The following NLGN1 variants were observed in gnomAD, a reference collection of about 807,000 sequenced individuals.
NLGN1 encodes neuroligin 1.
In NLGN1, 12 loss-of-function variants were observed where a neutral mutation model predicts 65.5. That is an observed-to-expected ratio of 0.18 (90% CI 0.12 to 0.30). The LOEUF (loss-of-function observed/expected upper bound fraction) is 0.30, where lower values mean the gene tolerates loss of function less well. Ranked by LOEUF, NLGN1 falls within the 10% of genes least tolerant of loss-of-function variation. NLGN1 has a pLI of 1.00. For missense variants in NLGN1, 750 were observed against 1,007.1 expected (o/e 0.74, Z 3.46); for synonymous variants, 350 against 359.5 (o/e 0.97, Z 0.30).
At chr3:173,921,195 T>C (rs1223682768) in intron 4 of NLGN1, among the ~76,000 whole-genome samples, 1 of 66,354 alleles carries the variant, frequency 1.5e-5, no homozygotes, top group East Asian at 4.9e-4. Context: ...ATATACAATA[T>C]ATATGTAGTA....
downstream of NLGN1, among the ~76,000 whole-genome samples, chr3:174,287,048 A>C (rs542248625): frequency 1.3e-5 from 2 of 151,598 alleles, no homozygotes; most frequent in Non-Finnish European, 1.5e-5. Context: ...GAATTTAAAT[A>C]AATCCCTTTA....
At chr3:173,820,766 A>C (rs1720131573) in intron 4 of NLGN1, among the ~76,000 whole-genome samples, 1 of 152,160 alleles carries the variant, frequency 6.6e-6, no homozygotes, top group African/African-American at 2.4e-5. Context: ...CCGGAGAGTA[A>C]AACTGTGAGT....
chr3:173,419,002 T>G (rs1714390502), intron 1 of NLGN1, among the ~76,000 whole-genome samples: 1 of 146,604 alleles, frequency 6.8e-6, no homozygotes, highest in Non-Finnish European at 1.5e-5. Flanking sequence ...CTTTCTGTTC[T>G]TTAGCTTTCT....
At chr3:173,896,405 C>G (rs1300559710) in intron 4 of NLGN1, among the ~76,000 whole-genome samples, 3 of 152,106 alleles carry the variant, frequency 2.0e-5, no homozygotes, top group African/African-American at 7.2e-5. Flanking sequence ...TAGAGTCTCT[C>G]CTTTCAAATT....
chr3:173,658,528 A>G (rs968819446), intron 3 of NLGN1, among the ~76,000 whole-genome samples: 5 of 152,056 alleles, frequency 3.3e-5, no homozygotes, highest in Admixed American at 3.3e-4. Flanking sequence ...ATTAATTTGG[A>G]AATAGCATAG....
At chr3:174,153,686 A>G (rs1724831520) in intron 4 of NLGN1, among the ~76,000 whole-genome samples, 1 of 152,084 alleles carries the variant, frequency 6.6e-6, no homozygotes, top group Non-Finnish European at 1.5e-5. Context: ...TCAGCTACAT[A>G]TTGAGCTCTG....
rs528748205 is a variant in NLGN1 at position 173,417,951 on chromosome 3, GA to G, written c.-389-17051del. Among the ~76,000 whole-genome samples the G allele has an allele frequency of 5.5e-3, 822 of 150,432 alleles. 11 individuals are homozygous for G. The highest frequency in any genetic ancestry group is 0.019 in the African/African-American group (772 of 41,132). On this transcript the variant is annotated intron_variant, in intron 1 of 6. Transcript: ENST00000457714. The stretch of plus-strand genomic sequence containing the variant: ...AAACAAATACTCATCTTAATAATGA[GA>G]AAAAAAACAATTGAGCAGATAGGAA...
At chr3:173,610,276 A>T (rs568452107) in intron 3 of NLGN1, among the ~76,000 whole-genome samples, 41 of 152,152 alleles carry the variant, frequency 2.7e-4, no homozygotes, top group African/African-American at 8.9e-4. Flanking sequence ...TAGATTTGCC[A>T]TCAATTAAGA....
intron 2 of NLGN1, among the ~76,000 whole-genome samples, chr3:173,471,794 A>G (rs1306381642): frequency 2.0e-5 from 3 of 152,148 alleles, no homozygotes; most frequent in Non-Finnish European, 4.4e-5. Flanking sequence ...CTAAGTGTTA[A>G]GAGGAAACAC....
At chr3:173,606,285 T>C (rs1454363785) in intron 3 of NLGN1, among the ~76,000 whole-genome samples, 1 of 152,078 alleles carries the variant, frequency 6.6e-6, no homozygotes, top group African/African-American at 2.4e-5. Flanking sequence ...TAAATCAACC[T>C]TCAAATCATC....
At chr3:173,421,142 A>G (rs1714960023) in intron 1 of NLGN1, among the ~76,000 whole-genome samples, 1 of 152,160 alleles carries the variant, frequency 6.6e-6, no homozygotes, top group Non-Finnish European at 1.5e-5. Context: ...CTTGATTTTC[A>G]GAATCAGGAC....
chr3:174,072,025 A>G (rs1284420538), intron 4 of NLGN1, among the ~76,000 whole-genome samples: 1 of 152,212 alleles, frequency 6.6e-6, no homozygotes, highest in Non-Finnish European at 1.5e-5. Context: ...AAAGGACCAG[A>G]ATGAATTAAA....
At chr3:173,945,537 C>T (rs1746985613) in intron 4 of NLGN1, among the ~76,000 whole-genome samples, 1 of 152,042 alleles carries the variant, frequency 6.6e-6, no homozygotes, top group South Asian at 2.1e-4. Flanking sequence ...TGATTTTTGA[C>T]ATAATTTAAT....
chr3:173,586,158 A>T (rs1322256949), intron 2 of NLGN1, among the ~76,000 whole-genome samples: 1 of 152,218 alleles, frequency 6.6e-6, no homozygotes. Flanking sequence ...CAATTCGTTA[A>T]ATTTTAAACT....
At chr3:174,234,365 G>A (rs916873942) in intron 4 of NLGN1, among the ~76,000 whole-genome samples, 3 of 152,146 alleles carry the variant, frequency 2.0e-5, no homozygotes, top group African/African-American at 4.8e-5. Flanking sequence ...CTTGGGTTGG[G>A]TTGTCTGCAT....
intron 4 of NLGN1, among the ~76,000 whole-genome samples, chr3:173,948,950 T>C (rs1747696242): frequency 6.6e-6 from 1 of 152,018 alleles, no homozygotes; most frequent in Admixed American, 6.5e-5. Context: ...GAAGATAAAA[T>C]TTAGTAAATT....
At chr3:174,070,337 G>GT (rs59115661) in intron 4 of NLGN1, among the ~76,000 whole-genome samples, 32,536 of 144,198 alleles carry the variant, frequency 0.23, 4,212 homozygotes, top group African/African-American at 0.38. Context: ...GACTTTTTGT[G>GT]TTTTTTTTTT....
intron 4 of NLGN1, among the ~76,000 whole-genome samples, chr3:174,225,599 C>T (rs1379268591): frequency 1.3e-5 from 2 of 152,058 alleles, no homozygotes; most frequent in African/African-American, 4.8e-5. Flanking sequence ...GGCGTGGTGG[C>T]GGGCGCCTGT....
intron 1 of NLGN1, among the ~76,000 whole-genome samples, chr3:173,404,271 TG>T (rs1332210693): frequency 6.6e-6 from 1 of 152,092 alleles, no homozygotes; most frequent in African/African-American, 2.4e-5. Context: ...AGGAAAAGAA[TG>T]GGGTTGATAT....
Sources: allele counts gnomAD v4.1 joint callset (sites outside exome capture counted in the v4.1 genomes callset), GRCh38; gene constraint gnomAD v4.1.1; transcripts MANE v1.5; gene names NCBI Gene and HGNC (gene_info 2026-07-23, HGNC 2026-07-21).